AVL9: variants seen among roughly 807,000 people sequenced by gnomAD.
AVL9 encodes AVL9 cell migration associated, also known as late secretory pathway protein AVL9 homolog.
Under a neutral mutation model 79.2 loss-of-function variants are expected in AVL9, and 49 were observed. That is an observed-to-expected ratio of 0.62 (90% CI 0.49 to 0.79). AVL9 has a LOEUF of 0.79. Among genes scored for constraint, AVL9 ranks in the 30% least tolerant of loss-of-function variants. The pLI, the probability that AVL9 is intolerant of heterozygous loss-of-function variation, is 0.00. For missense variants in AVL9, 682 were observed against 776.8 expected (o/e 0.88, Z 1.45); for synonymous variants, 299 against 280.6 (o/e 1.07, Z -0.65).
rs1214364678 is a variant in AVL9, at chr7:32,573,411, G to A, written c.1563G>A (p.Leu521=). 2.5e-6 allele frequency: 4 copies of A among 1,612,634 alleles called. No homozygotes were observed. The highest frequency in any genetic ancestry group is 3.4e-6 in the Non-Finnish European group (4 of 1,179,120). The change falls in exon 12 of 16, where the codon CTG becomes CTA. Residue 521 remains leucine, a synonymous_variant. Transcript: ENST00000318709. ...TTCATGCCCTGCTGGCTGCCACACT[G>A]CAATTAGGTAAGAAACCACACGGAG... ...VYIHALLAAT[L]QLDNEKILSD... is the part of the protein sequence containing the mutation.
At chr7:32,537,010 G>A (rs1454789423) in intron 1 of AVL9, 1 of 152,140 alleles carries the variant, frequency 6.6e-6, no homozygotes, top group Non-Finnish European at 1.5e-5. Context: ...GGGTTTTTAT[G>A]GAGGTTTCAT....
In AVL9 at chr7:32,511,317, C is replaced by G. The variant is rs370548999; in HGVS notation, c.93+15515C>G. Among the ~76,000 whole-genome samples, 5 of 150,042 alleles carry G rather than the reference C, an allele frequency of 3.3e-5. 1 individual carries two copies. ...TCTCCCCAGGGTAAGATTTGTGAGC[C>G]GTCAGGTCTGCTTGTGGGAATCCAC... On this transcript the variant is annotated intron_variant, in intron 1 of 15. Transcript: ENST00000318709.
At chr7:32,539,143 T>C (rs552734935) in intron 1 of AVL9, 1 of 152,292 alleles carries the variant, frequency 6.6e-6, no homozygotes, top group South Asian at 2.1e-4. Flanking sequence ...CCCAGCTACT[T>C]GGGCAGCTGA....
chr7:32,578,930 A>C (rs1791222560), intron 13 of AVL9, among the ~76,000 whole-genome samples: 1 of 152,158 alleles, frequency 6.6e-6, no homozygotes, highest in Non-Finnish European at 1.5e-5. Context: ...GGAAGGCAGC[A>C]TTCTAACTTA....
At chr7:32,497,622 A>G (rs150575195) in intron 1 of AVL9, among the ~76,000 whole-genome samples, 2,417 of 149,848 alleles carry the variant, frequency 0.016, 76 homozygotes, top group African/African-American at 0.055. Flanking sequence ...CAAGTATTCA[A>G]AATTGCCGTG....
chr7:32,510,111 A>T (rs1403771185), intron 1 of AVL9, among the ~76,000 whole-genome samples: 1 of 151,918 alleles, frequency 6.6e-6, no homozygotes, highest in Non-Finnish European at 1.5e-5. Flanking sequence ...CTAGGGTGAG[A>T]TAGGTGAGCC....
chr7:32,498,900 A>G (rs1278641316), intron 1 of AVL9, among the ~76,000 whole-genome samples: 1 of 127,544 alleles, frequency 7.8e-6, no homozygotes, highest in Non-Finnish European at 1.6e-5. Flanking sequence ...GCAGTAGCTC[A>G]TGCCTGTAAT....
chr7:32,583,726 G>A lies in AVL9; in HGVS notation c.1832-66G>A, dbSNP rs1791629409. On this transcript the variant is annotated intron_variant, in intron 15 of 15. Transcript: ENST00000318709. ...TAATTAAAAATGTATTAATTATGTTGGTCTTTCACTGTCTCGTAACAAAAG... is the reference window on the plus strand; with the variant it reads ...TAATTAAAAATGTATTAATTATGTTAGTCTTTCACTGTCTCGTAACAAAAG... 17 of 932,636 alleles carry A rather than the reference G, an allele frequency of 1.8e-5. No homozygotes were observed. The South Asian group carries it at 2.7e-4, about 15-fold the overall frequency. The allele number at this position is 932,636 out of a possible 1,614,324, so 57.8% of individuals were successfully genotyped here.
At chr7:32,534,718 TGGATCACTTCAGGTCA>T (rs1258748929) in intron 1 of AVL9, 1 of 152,124 alleles carries the variant, frequency 6.6e-6, no homozygotes, top group Non-Finnish European at 1.5e-5. Flanking sequence ...CCAAGGCAGG[TGGATCACTTCAGGTCA>T]GGAGTTCGAG....
Position 32,573,407 on chromosome 7 carries a change from C to T in AVL9, c.1559C>T (p.Thr520Ile), listed in dbSNP as rs765450275. The change falls in exon 12 of 16, where the codon ACA becomes ATA. Residue 520 changes from threonine (T) to isoleucine (I), a missense_variant. Transcript: ENST00000318709. ...AVYIHALLAA[T>I]LQLDNEKILS... ...TACATTCATGCCCTGCTGGCTGCCACACTGCAATTAGGTAAGAAACCACAC... is the reference window on the plus strand; with the variant it reads ...TACATTCATGCCCTGCTGGCTGCCATACTGCAATTAGGTAAGAAACCACAC... The T allele has an allele frequency of 1.2e-5, 20 of 1,613,234 alleles. No individual in the cohort carries two copies. Among genetic ancestry groups the T allele is most frequent in the Middle Eastern group, 1.6e-4 (1 of 6,082 alleles).
intron 1 of AVL9, among the ~76,000 whole-genome samples, chr7:32,519,792 T>C (rs748953731): frequency 6.8e-4 from 104 of 152,194 alleles, no homozygotes; most frequent in Non-Finnish European, 1.0e-3. Context: ...ACTAGGTAAT[T>C]TGTAAAGATA....
intron 10 of AVL9, among the ~76,000 whole-genome samples, chr7:32,565,203 C>T (rs748610002): frequency 1.3e-5 from 2 of 152,128 alleles, no homozygotes; most frequent in South Asian, 2.1e-4. Context: ...TTTCTAGTTA[C>T]GAGATTATTG....
intron 1 of AVL9, among the ~76,000 whole-genome samples, chr7:32,511,272 C>T (rs1787658878): frequency 6.8e-6 from 1 of 146,946 alleles, no homozygotes; most frequent in South Asian, 2.2e-4. Context: ...TTCTGAACTG[C>T]CCCAGTATGA....
intron 8 of AVL9, among the ~76,000 whole-genome samples, chr7:32,555,501 A>T (rs1790014568): frequency 6.6e-6 from 1 of 152,210 alleles, no homozygotes; most frequent in South Asian, 2.1e-4. Context: ...GTTTGCCATG[A>T]TTGGCTTAGT....
At chr7:32,563,742 T>G (rs1448902816) in intron 10 of AVL9, among the ~76,000 whole-genome samples, 1 of 152,112 alleles carries the variant, frequency 6.6e-6, no homozygotes, top group African/African-American at 2.4e-5. Flanking sequence ...CCTATATTAT[T>G]CGATAAATTA....
chr7:32,523,029 T>C (rs1348197997), intron 1 of AVL9, among the ~76,000 whole-genome samples: 1 of 151,946 alleles, frequency 6.6e-6, no homozygotes, highest in Admixed American at 6.6e-5. Context: ...TAAACCTTTT[T>C]TTCTTCCCAG....
intron 15 of AVL9, 126 bp downstream of exon 15, chr7:32,581,016 G>A (rs962782033): frequency 1.9e-5 from 15 of 785,118 alleles, no homozygotes; most frequent in Non-Finnish European, 2.8e-5. Flanking sequence ...TAATACAAGA[G>A]TTTTTTAAAT....
intron 12 of AVL9, among the ~76,000 whole-genome samples, chr7:32,575,170 C>T (rs910977900): frequency 2.7e-5 from 4 of 147,238 alleles, no homozygotes. Flanking sequence ...ATGATGTTGG[C>T]TCACTGCAAC....
chr7:32,519,874 A>G (rs754622005), intron 1 of AVL9, among the ~76,000 whole-genome samples: 54 of 152,196 alleles, frequency 3.5e-4, no homozygotes, highest in Non-Finnish European at 6.2e-4. Flanking sequence ...GAAACTTACA[A>G]TCATAGCAGA....
Sources: allele counts gnomAD v4.1 joint callset (sites outside exome capture counted in the v4.1 genomes callset), GRCh38; gene constraint gnomAD v4.1.1; transcripts MANE v1.5; gene names NCBI Gene and HGNC (gene_info 2026-07-23, HGNC 2026-07-21).